The following ANKRD50 variants were observed in gnomAD, a reference collection of about 807,000 sequenced individuals.
ANKRD50 encodes the protein ankyrin repeat domain 50.
In ANKRD50, 40 loss-of-function variants were observed where a neutral mutation model predicts 112.0. The ratio of observed to expected loss-of-function variants is 0.36; its 90% CI spans 0.28 to 0.46. The LOEUF (loss-of-function observed/expected upper bound fraction) is 0.46. Among genes scored for constraint, ANKRD50 ranks in the 20% least tolerant of loss-of-function variants. The pLI, the probability that ANKRD50 is intolerant of heterozygous loss-of-function variation, is 1.00. For synonymous variants in ANKRD50, 613 were observed against 619.1 expected (o/e 0.99, Z 0.15); for missense variants, 1,487 against 1,701.7 (o/e 0.87, Z 2.22).
At position 124,672,175 on chromosome 4, in the gene ANKRD50, C is replaced by T. The variant is rs1343353162; in HGVS notation, c.1102G>A (p.Glu368Lys). The change falls in exon 4 of 5, where the codon GAA becomes AAA. Residue 368 changes from glutamate to lysine, a missense_variant. Transcript: ENST00000504087. ...LAACRPLTIT[E>K]LYHAVWTKNM... Reference sequence around the variant, plus strand: ...TTGGTCCATACTGCGTGATATAATTCCGTTATGGTCAAAGGTCGGCAGGCT... The same window carrying T: ...TTGGTCCATACTGCGTGATATAATTTCGTTATGGTCAAAGGTCGGCAGGCT... The T allele has an allele frequency of 6.2e-7, 1 of 1,613,830 alleles. No individual in the cohort carries two copies.
intron 2 of ANKRD50, among the ~76,000 whole-genome samples, chr4:124,709,458 T>C (rs185113220): frequency 1.3e-5 from 2 of 152,188 alleles, no homozygotes; most frequent in African/African-American, 4.8e-5. Context: ...TAAATTCACA[T>C]ACTTCTAAAT....
rs781282363 is a variant in ANKRD50, at chr4:124,710,275, A to G, written c.237T>C (p.Pro79=). 1 of 1,614,228 alleles carries G rather than the reference A, an allele frequency of 6.2e-7. No individual in the cohort carries two copies. The highest frequency in any genetic ancestry group is 8.5e-7 in the Non-Finnish European group (1 of 1,180,036). The change falls in exon 2 of 5, where the codon CCT becomes CCC. Residue 79 remains proline (P), a synonymous_variant. Transcript: ENST00000504087. ...TACATAGGGCCGTCTTGCCACTGCC[A>G]GGCCCTCCTACCAACAACACACCCC... ...AAWGVLLVGG[P]GSGKTALCTE... is the part of the protein sequence containing the mutation.
At chr4:124,694,573 T>C (rs1005961569) in intron 2 of ANKRD50, among the ~76,000 whole-genome samples, 1 of 152,166 alleles carries the variant, frequency 6.6e-6, no homozygotes, top group Non-Finnish European at 1.5e-5. Context: ...AGCTAGGGCA[T>C]GTCTTATTAA....
intron 3 of ANKRD50, among the ~76,000 whole-genome samples, chr4:124,673,601 T>C (rs1369695043): frequency 6.6e-6 from 1 of 152,036 alleles, no homozygotes; most frequent in African/African-American, 2.4e-5. Context: ...ATACAGTGTT[T>C]GGTGAATGTG....
At position 124,670,571 on chromosome 4, in the gene ANKRD50, G is replaced by C. The variant is rs1484515571; in HGVS notation, c.2706C>G (p.Asn902Lys). The change falls in exon 4 of 5, where the codon AAC (asparagine) becomes AAG (lysine). Residue 902 changes from asparagine (N) to lysine (K), a missense_variant. Physicochemically the swap from Asn to Lys is moderately conservative, Grantham distance 94. Coordinates refer to ENST00000504087, the MANE Select transcript of ANKRD50 (RefSeq NM_020337.3). ...AACCTCTTTGATCAATGTTGGATTT[G>C]TTTTCCAGTAATATTTGAACACAAT... is the stretch of plus-strand genomic sequence containing the variant. ...HYDCVQILLE[N>K]KSNIDQRGYD... 1 of 1,612,948 alleles carries C rather than the reference G, an allele frequency of 6.2e-7. No homozygotes were observed. Among genetic ancestry groups the C allele is most frequent in the Admixed American group, 1.7e-5 (1 of 59,732 alleles).
At position 124,669,687 on chromosome 4, in the gene ANKRD50, G is replaced by A; in HGVS notation, c.3590C>T (p.Ser1197Phe). The A allele has an allele frequency of 6.2e-7, 1 of 1,612,982 alleles. No homozygotes were observed. The highest frequency in any genetic ancestry group is 8.5e-7 in the Non-Finnish European group (1 of 1,179,694). Reference sequence around the variant, plus strand: ...TGGCACTGTTTGAGCCGTTGCTGTAGATGAAGTAGTTCTCAAAGATGAATT... The same window carrying A: ...TGGCACTGTTTGAGCCGTTGCTGTAAATGAAGTAGTTCTCAAAGATGAATT... ...SKNSSLRTTS[S>F]TATAQTVPID... is the part of the protein sequence containing the mutation. The change falls in exon 4 of 5, where the codon TCT becomes TTT. Residue 1197 changes from serine to phenylalanine, a missense_variant. By Grantham distance (155) the Ser-to-Phe change is radical. This residue lies in a region of ANKRD50 where 441 missense variants were observed against 432.2 expected (regional missense o/e 1.02). Transcript: ENST00000504087.
chr4:124,676,177 C>G (rs1730769548), intron 3 of ANKRD50, among the ~76,000 whole-genome samples: 1 of 151,610 alleles, frequency 6.6e-6, no homozygotes, highest in African/African-American at 2.4e-5. Flanking sequence ...AATAAATGCA[C>G]AGATATGTTA....
At chr4:124,687,565 C>T (rs928639297) in intron 2 of ANKRD50, among the ~76,000 whole-genome samples, 6 of 151,934 alleles carry the variant, frequency 3.9e-5, no homozygotes, top group Non-Finnish European at 8.8e-5. Context: ...CTATTAGATA[C>T]TGTTAAGATA....
At chr4:124,684,967 T>C (rs1724974401) in intron 2 of ANKRD50, among the ~76,000 whole-genome samples, 1 of 152,226 alleles carries the variant, frequency 6.6e-6, no homozygotes, top group Admixed American at 6.5e-5. Flanking sequence ...CAGGCAGTAC[T>C]TCTTATCCTT....
rs757090928 is a variant in ANKRD50, at chr4:124,671,743, C to T, written c.1534G>A (p.Asp512Asn). 26 of 1,613,772 alleles carry T rather than the reference C, an allele frequency of 1.6e-5. No homozygotes were observed. Among genetic ancestry groups the T allele is most frequent in the Middle Eastern group, 1.6e-4 (1 of 6,080 alleles). Residue 512 changes from aspartate to asparagine, a missense_variant, in exon 4 of 5, where the codon GAT becomes AAT. Transcript: ENST00000504087. The part of the protein sequence containing the change: ...KAGAHVNSED[D>N]RTSCIVRQAL... ...TGTCGAACTATGCATGATGTGCGAT[C>T]GTCTTCACTGTTGACATGAGCCCCA... is the stretch of plus-strand genomic sequence containing the variant.
intron 2 of ANKRD50, among the ~76,000 whole-genome samples, chr4:124,705,428 T>C (rs975711318): frequency 6.6e-6 from 1 of 152,192 alleles, no homozygotes; most frequent in Admixed American, 6.5e-5. Context: ...ATTTTTCCTA[T>C]TAACATTACA....
rs1486132760 is a variant in ANKRD50, at chr4:124,699,316, AT to A, written c.512+10683del. 5.6e-4 allele frequency among the ~76,000 whole-genome samples: 85 copies of A among 151,866 alleles called. 4 individuals are homozygous for A. The highest frequency in any genetic ancestry group is 2.0e-3 in the African/African-American group (82 of 41,456). On this transcript the variant is annotated intron_variant, in intron 2 of 4. Transcript: ENST00000504087. ...TTTGCTTTCCTGTTTACTTTCCCGT[AT>A]CACTGAAATGCTTCAGGGGATGAAA...
intron 2 of ANKRD50, among the ~76,000 whole-genome samples, chr4:124,689,710 C>T (rs1725089647): frequency 6.6e-6 from 1 of 152,134 alleles, no homozygotes. Flanking sequence ...CCTCTGGGCT[C>T]CACTGACATG....
intron 2 of ANKRD50, among the ~76,000 whole-genome samples, chr4:124,695,155 T>C (rs1725225488): frequency 6.6e-6 from 1 of 152,038 alleles, no homozygotes; most frequent in African/African-American, 2.4e-5. Flanking sequence ...AAAACTTCCA[T>C]TGCAAGAACT....
intron 2 of ANKRD50, among the ~76,000 whole-genome samples, chr4:124,687,463 T>C (rs1725034212): frequency 6.6e-6 from 1 of 152,078 alleles, no homozygotes; most frequent in Admixed American, 6.6e-5. Context: ...AATACTGAGT[T>C]AGATAAAGAG....
At chr4:124,683,918 T>TC (rs1724949340) in intron 2 of ANKRD50, among the ~76,000 whole-genome samples, 1 of 150,410 alleles carries the variant, frequency 6.6e-6, no homozygotes, top group Non-Finnish European at 1.5e-5. Flanking sequence ...TTTTTTTTTT[T>TC]TCCATTTATA....
intron 2 of ANKRD50, among the ~76,000 whole-genome samples, chr4:124,682,739 A>T (rs1560823841): frequency 6.6e-6 from 1 of 151,592 alleles, no homozygotes; most frequent in African/African-American, 2.4e-5. Flanking sequence ...ATGTTTTTTA[A>T]TTTTTTTTAT....
intron 2 of ANKRD50, among the ~76,000 whole-genome samples, chr4:124,701,333 T>A (rs1446585134): frequency 6.6e-6 from 1 of 150,842 alleles, no homozygotes; most frequent in African/African-American, 2.4e-5. Flanking sequence ...TAGATGGAGG[T>A]ACAAAGAATA....
At chr4:124,689,277 C>T (rs1484962860) in intron 2 of ANKRD50, among the ~76,000 whole-genome samples, 1 of 152,114 alleles carries the variant, frequency 6.6e-6, no homozygotes, top group Non-Finnish European at 1.5e-5. Flanking sequence ...ATATACAGAA[C>T]AGTGCTTATT....
Sources: allele counts gnomAD v4.1 joint callset (sites outside exome capture counted in the v4.1 genomes callset), GRCh38; gene constraint gnomAD v4.1.1; regional missense constraint gnomAD v4.1.1; transcripts MANE v1.5; gene names NCBI Gene and HGNC (gene_info 2026-07-23, HGNC 2026-07-21).